The following RDH10 variants were observed in gnomAD, a reference collection of about 807,000 sequenced individuals.
RDH10 encodes retinol dehydrogenase 10 (all-trans).
A neutral mutation model predicts 30.2 loss-of-function variants in RDH10; 12 were observed. The observed-to-expected ratio is 0.40, with a 90% CI of 0.25 to 0.64. RDH10 has a LOEUF of 0.64. RDH10 is among the 30% of genes least tolerant of loss of function. The probability of loss-of-function intolerance (pLI) is 0.43; values close to 1 mark genes in which losing one functional copy is unlikely to be tolerated. For synonymous variants in RDH10, 189 were observed against 172.2 expected (o/e 1.10, Z -0.76); for missense variants, 268 against 445.2 (o/e 0.60, Z 3.58).
Position 73,297,335 on chromosome 8 carries a change from A to G in RDH10, c.431A>G (p.Asn144Ser). 5.6e-6 allele frequency: 9 copies of G among 1,614,196 alleles called. No homozygotes were observed. Among genetic ancestry groups the G allele is most frequent in the East Asian group, 2.2e-5 (1 of 44,886 alleles). Residue 144 changes from asparagine to serine, a missense_variant, in exon 2 of 6, where the codon AAT becomes AGT. By Grantham distance (46) the Asn-to-Ser change is conservative. Around this residue, in one of 4 missense-constraint regions of RDH10, gnomAD observed 136 missense variants for 288.8 expected, o/e 0.47. Transcript: ENST00000240285. Reference protein sequence around the residue: ...KEVGEVSVLVNNAGVVSGHHL... With the variant: ...KEVGEVSVLVSNAGVVSGHHL... Reference sequence around the variant, plus strand: ...GTTGGCGAAGTCTCAGTCCTGGTCAATAATGCTGGTGTGGTCTCTGGGCAT... The same window carrying G: ...GTTGGCGAAGTCTCAGTCCTGGTCAGTAATGCTGGTGTGGTCTCTGGGCAT...
intron 2 of RDH10, among the ~76,000 whole-genome samples, chr8:73,302,020 A>G (rs766811449): frequency 6.6e-6 from 1 of 152,180 alleles, no homozygotes; most frequent in Non-Finnish European, 1.5e-5. Context: ...AGCCATTCAT[A>G]TTTACCAATG....
chr8:73,316,673 G>A (rs1361668740), intron 2 of RDH10, among the ~76,000 whole-genome samples: 3 of 152,182 alleles, frequency 2.0e-5, no homozygotes, highest in East Asian at 1.9e-4. Flanking sequence ...AAGAAAAGAA[G>A]TCTAATTGGC....
intron 4 of RDH10, among the ~76,000 whole-genome samples, chr8:73,321,567 A>G (rs1814770042): frequency 6.6e-6 from 1 of 152,166 alleles, no homozygotes; most frequent in Admixed American, 6.5e-5. Flanking sequence ...AACTAGATTC[A>G]CTCTGGCAGA....
At chr8:73,312,942 A>T (rs1814595267) in intron 2 of RDH10, 1 of 152,240 alleles carries the variant, frequency 6.6e-6, no homozygotes, top group Non-Finnish European at 1.5e-5. Context: ...GCACAAAAAT[A>T]ATAAGGCCTT....
At position 73,296,921 on chromosome 8, in the gene RDH10, C is replaced by T. The variant is rs1266254974; in HGVS notation, c.290-273C>T. The stretch of plus-strand genomic sequence containing the variant: ...GTGTCTTTAGCTCCAGCAAGCTGAT[C>T]CCATGTGGTCTACTTGTATTGGGCT... On this transcript the variant is annotated intron_variant, in intron 1 of 5. Coordinates refer to ENST00000240285, the MANE Select transcript of RDH10 (RefSeq NM_172037.5). 5 of 411,712 alleles carry T rather than the reference C, an allele frequency of 1.2e-5. No homozygotes were observed. In the East Asian group the frequency reaches 2.6e-4, roughly 22 times the overall value. 25.5% of individuals were successfully genotyped at this position (411,712 alleles called of 1,614,324 possible).
chr8:73,320,359 T>A (rs1814743942), intron 3 of RDH10, among the ~76,000 whole-genome samples: 1 of 152,198 alleles, frequency 6.6e-6, no homozygotes, highest in Non-Finnish European at 1.5e-5. Context: ...TTAGTTGATG[T>A]GACAAAAAGT....
In RDH10 at chr8:73,297,081, A is replaced by G. The variant is rs571110446; in HGVS notation, c.290-113A>G. The G allele has an allele frequency of 3.8e-5, 26 of 684,608 alleles. No individual in the cohort carries two copies. The African/African-American group carries it at 4.1e-4, about 11-fold the overall frequency. The allele number at this position is 684,608 out of a possible 1,614,324, so 42.4% of individuals were successfully genotyped here. On this transcript the variant is annotated intron_variant, in intron 1 of 5. Coordinates refer to ENST00000240285, the MANE Select transcript of RDH10 (RefSeq NM_172037.5). ...TTGCAGCGTTAGAAATTTGAAGCTC[A>G]CTGTAGTATTTTTGTTTTGTGTGAT...
intron 2 of RDH10, among the ~76,000 whole-genome samples, chr8:73,317,163 A>G (rs1345381820): frequency 6.6e-6 from 1 of 152,204 alleles, no homozygotes; most frequent in East Asian, 1.9e-4. Context: ...TATAAAACAC[A>G]TAATCGCATT....
intron 2 of RDH10, among the ~76,000 whole-genome samples, chr8:73,313,677 A>G (rs1814612515): frequency 6.6e-6 from 1 of 152,180 alleles, no homozygotes; most frequent in African/African-American, 2.4e-5. Flanking sequence ...TATATTGGTT[A>G]CTGACTTTGA....
intron 2 of RDH10, among the ~76,000 whole-genome samples, chr8:73,304,119 A>G (rs1417870746): frequency 6.6e-6 from 1 of 152,164 alleles, no homozygotes; most frequent in East Asian, 1.9e-4. Flanking sequence ...AGCTTCCATG[A>G]TAAGCCCACT....
chr8:73,297,586 A>G, intron 2 of RDH10, 157 bp downstream of exon 2: 1 of 599,686 alleles, frequency 1.7e-6, no homozygotes, highest in South Asian at 1.9e-5. Flanking sequence ...TATGCTGGTT[A>G]CTGTTAGTCG....
chr8:73,305,998 A>G (rs1458348315), intron 2 of RDH10, among the ~76,000 whole-genome samples: 2 of 152,244 alleles, frequency 1.3e-5, no homozygotes, highest in Non-Finnish European at 2.9e-5. Context: ...CAACTGACCT[A>G]GAAGCTCCTT....
chr8:73,302,291 A>G (rs777314008), intron 2 of RDH10, among the ~76,000 whole-genome samples: 1 of 152,234 alleles, frequency 6.6e-6, no homozygotes, highest in Non-Finnish European at 1.5e-5. Flanking sequence ...CACCCAGTAC[A>G]AGACCATGGA....
At chr8:73,302,211 C>T (rs1228350061) in intron 2 of RDH10, among the ~76,000 whole-genome samples, 1 of 152,210 alleles carries the variant, frequency 6.6e-6, no homozygotes, top group Non-Finnish European at 1.5e-5. Flanking sequence ...TAGGAACCTT[C>T]TCCTGGTCAC....
chr8:73,317,931 C>CAA (rs1291106302), intron 2 of RDH10, among the ~76,000 whole-genome samples: 2 of 135,122 alleles, frequency 1.5e-5, no homozygotes, highest in East Asian at 2.1e-4. Context: ...CACCCCCGCC[C>CAA]AAAAAAAAAA....
chr8:73,323,138 G>A lies in RDH10; in HGVS notation c.*102G>A. ...GACATTTTATGGATTCTAAACTTGT[G>A]TTGTTTCTTTTTTAAATCAACTTTT... On this transcript the variant is annotated 3_prime_UTR_variant, in exon 6 of 6. Coordinates refer to ENST00000240285, the MANE Select transcript of RDH10 (RefSeq NM_172037.5). The A allele has an allele frequency of 5.2e-6, 5 of 969,734 alleles. No individual in the cohort carries two copies. The South Asian group carries it at 7.6e-5, about 15-fold the overall frequency. The allele number at this position is 969,734 out of a possible 1,614,324, so 60.1% of individuals were successfully genotyped here.
intron 2 of RDH10, among the ~76,000 whole-genome samples, chr8:73,305,364 A>G (rs1388238789): frequency 6.6e-6 from 1 of 152,244 alleles, no homozygotes; most frequent in East Asian, 1.9e-4. Flanking sequence ...TGAGAGTTAG[A>G]TGAATTTTAA....
At chr8:73,305,382 A>G (rs1412898727) in intron 2 of RDH10, among the ~76,000 whole-genome samples, 1 of 152,178 alleles carries the variant, frequency 6.6e-6, no homozygotes, top group Non-Finnish European at 1.5e-5. Flanking sequence ...TAAGTAGGAA[A>G]CCCCTTTACA....
At position 73,295,327 on chromosome 8, in the gene RDH10, A is replaced by G. The variant is rs759338480; in HGVS notation, c.38A>G (p.Lys13Arg). 3.2e-6 allele frequency: 5 copies of G among 1,565,838 alleles called. No individual in the cohort carries two copies. The highest frequency in any genetic ancestry group is 1.2e-5 in the South Asian group (1 of 85,470). The change falls in exon 1 of 6, where the codon AAA becomes AGA. Residue 13 changes from lysine to arginine, a missense_variant. Coordinates refer to ENST00000240285, the MANE Select transcript of RDH10 (RefSeq NM_172037.5). The part of the protein sequence containing the change: ...IVVEFFVVTF[K>R]VLWAFVLAAA... ...GTGGAGTTCTTCGTGGTCACTTTCA[A>G]AGTGCTCTGGGCGTTCGTGCTGGCC...
Sources: gnomAD v4.1 joint callset for allele counts (sites outside exome capture counted in the v4.1 genomes callset) on GRCh38, gnomAD v4.1.1 for gene constraint, gnomAD v4.1.1 regional missense constraint, MANE v1.5 for transcripts, NCBI Gene and HGNC (gene_info 2026-07-23, HGNC 2026-07-21) for gene names.